KIF27: variants seen among roughly 807,000 people sequenced by gnomAD.
KIF27 encodes the protein kinesin family member 27.
A neutral mutation model predicts 141.8 loss-of-function variants in KIF27; 84 were observed. The ratio of observed to expected loss-of-function variants is 0.59; its 90% confidence interval spans 0.50 to 0.71. The LOEUF is 0.71. KIF27 is among the 30% of genes least tolerant of loss of function. The pLI is 0.00. For synonymous variants in KIF27, 471 were observed against 569.5 expected (o/e 0.83, Z 2.46); for missense variants, 1,306 against 1,628.4 (o/e 0.80, Z 3.41).
At chr9:83,868,421 T>C (rs1950535212) in intron 12 of KIF27, 1 of 152,152 alleles carries the variant, frequency 6.6e-6, no homozygotes. Context: ...ACACAGATGA[T>C]GGAGGATGGA....
At chr9:83,868,575 T>C (rs1286087984) in intron 12 of KIF27, 1 of 152,018 alleles carries the variant, frequency 6.6e-6, no homozygotes, top group Non-Finnish European at 1.5e-5. Flanking sequence ...CGGAAACAAA[T>C]ACAAACATAA....
intron 13 of KIF27, among the ~76,000 whole-genome samples, chr9:83,862,250 C>G (rs796850339): frequency 6.7e-6 from 1 of 150,198 alleles, no homozygotes; most frequent in African/African-American, 2.5e-5. Context: ...AGTCCTTGCC[C>G]ATGCCTATGT....
In KIF27 at chr9:83,880,366, T is replaced by G. The variant is rs538049404; in HGVS notation, c.2574A>C (p.Lys858Asn). 9.3e-6 allele frequency: 15 copies of G among 1,613,770 alleles called. No homozygotes were observed. In the East Asian group the frequency reaches 3.3e-4, roughly 36 times the overall value. ...MKYQKIQLQRKLREENEKRKQ... is the reference protein window; with the variant it reads ...MKYQKIQLQRNLREENEKRKQ... ...TCCTTTTTTCATTTTCTTCTCGTAG[T>G]TTTCTTTGTAGCTGTATCTTTTGAT... The change falls in exon 11 of 18, where the codon AAA (lysine) becomes AAC (asparagine). Residue 858 changes from lysine to asparagine, a missense_variant. Physicochemically the swap from Lys to Asn is moderately conservative, Grantham distance 94 (BLOSUM62 0). This residue lies in a region of KIF27 where 596 missense variants were observed against 751.6 expected (regional missense o/e 0.79). Coordinates refer to ENST00000297814, the MANE Select transcript of KIF27 (RefSeq NM_017576.4).
intron 16 of KIF27, among the ~76,000 whole-genome samples, chr9:83,842,796 C>CTA (rs199568521): frequency 6.6e-6 from 1 of 152,106 alleles, no homozygotes; most frequent in African/African-American, 2.4e-5. Flanking sequence ...AGGCCCTGGA[C>CTA]TATATTTAAA....
chr9:83,840,082 A>C (rs1448651693), intron 17 of KIF27, among the ~76,000 whole-genome samples: 3 of 152,202 alleles, frequency 2.0e-5, no homozygotes, highest in African/African-American at 7.2e-5. Context: ...TATAATTCAA[A>C]CAAACCTTGT....
At position 83,835,775 on chromosome 9, in the gene KIF27, A is replaced by G. The variant is rs768275700; in HGVS notation, c.*1226T>C. ...AGTGGGTGACTCTGAGTAAGCATCC[A>G]TGTCAGGATGGTTTTGCTACAGCCC... On this transcript the variant is annotated 3_prime_UTR_variant, in exon 18 of 18. Coordinates refer to ENST00000297814, the MANE Select transcript of KIF27 (RefSeq NM_017576.4). 3.3e-5 allele frequency: 5 copies of G among 152,234 alleles called. No individual in the cohort carries two copies. Among genetic ancestry groups the G allele is most frequent in the Non-Finnish European group, 7.3e-5 (5 of 68,042 alleles). 9.4% of individuals were successfully genotyped at this position (152,234 alleles called of 1,614,324 possible).
intron 13 of KIF27, among the ~76,000 whole-genome samples, chr9:83,862,076 C>T (rs1588057581): frequency 2.0e-5 from 3 of 151,838 alleles, no homozygotes; most frequent in Non-Finnish European, 3.0e-5. Flanking sequence ...TGGATATTAG[C>T]CCTTTGTCAG....
chr9:83,915,426 T>C lies in KIF27; in HGVS notation c.166A>G (p.Thr56Ala), dbSNP rs1955590750. ...TFDFVFGKNS[T>A]QDEVYNTCIK... is the part of the protein sequence containing the mutation. ...CATGTGTTATAAACTTCATCTTGAGTGGAATTTTTGCCAAAAACAAAATCA... is the reference window on the plus strand; with the variant it reads ...CATGTGTTATAAACTTCATCTTGAGCGGAATTTTTGCCAAAAACAAAATCA... The change falls in exon 2 of 18, where the codon ACT becomes GCT. Residue 56 changes from threonine (T) to alanine (A), a missense_variant. By Grantham distance (58) the Thr-to-Ala change is moderately conservative. Transcript: ENST00000297814. 1 of 1,613,654 alleles carries C rather than the reference T, an allele frequency of 6.2e-7. No homozygotes were observed. The highest frequency in any genetic ancestry group is 1.7e-5 in the Admixed American group (1 of 59,962).
chr9:83,912,882 G>A (rs13295604), intron 2 of KIF27, among the ~76,000 whole-genome samples: 2 of 152,070 alleles, frequency 1.3e-5, no homozygotes, highest in East Asian at 1.9e-4. Flanking sequence ...AAAGCCAGGC[G>A]TGGTGGTTCA....
chr9:83,847,311 T>G (rs1295735033), intron 16 of KIF27, among the ~76,000 whole-genome samples: 1 of 152,240 alleles, frequency 6.6e-6, no homozygotes, highest in Admixed American at 6.5e-5. Flanking sequence ...ACACTTGTAC[T>G]AAGAAAATAT....
intron 16 of KIF27, among the ~76,000 whole-genome samples, chr9:83,848,180 T>G (rs772682121): frequency 0.022 from 737 of 33,088 alleles, 161 homozygotes; most frequent in Middle Eastern, 0.05. Context: ...TGATATATCA[T>G]ATATGATATA....
At chr9:83,918,366 A>C in intron 1 of KIF27, among the ~76,000 whole-genome samples, 1 of 151,234 alleles carries the variant, frequency 6.6e-6, no homozygotes, top group Non-Finnish European at 1.5e-5. Context: ...GAGGGAGGGA[A>C]GGAAAAACGA....
Position 83,835,283 on chromosome 9 carries a change from T to G in KIF27, c.*1718A>C, listed in dbSNP as rs1945702744. Reference sequence around the variant, plus strand: ...TGTATGATTTATATTTATATATAAATGTACATAAATTTATAAAAATGGAAG... The same window carrying G: ...TGTATGATTTATATTTATATATAAAGGTACATAAATTTATAAAAATGGAAG... On this transcript the variant is annotated 3_prime_UTR_variant, in exon 18 of 18. Transcript: ENST00000297814. Among the ~76,000 whole-genome samples the G allele has an allele frequency of 6.6e-6, 1 of 151,516 alleles. No individual in the cohort carries two copies. The highest frequency in any genetic ancestry group is 2.1e-4 in the South Asian group (1 of 4,830).
intron 3 of KIF27, among the ~76,000 whole-genome samples, chr9:83,908,154 C>T (rs544979480): frequency 1.1e-4 from 16 of 150,554 alleles, no homozygotes; most frequent in Admixed American, 2.7e-4. Context: ...ACCAGCTACT[C>T]GGGAGGCTAA....
chr9:83,843,375 G>T (rs1212184750), intron 16 of KIF27, among the ~76,000 whole-genome samples: 1 of 149,290 alleles, frequency 6.7e-6, no homozygotes, highest in African/African-American at 2.5e-5. Context: ...TCTCCATTGG[G>T]TTATGCTCTT....
At chr9:83,845,833 T>C (rs964661148) in intron 16 of KIF27, among the ~76,000 whole-genome samples, 11 of 152,210 alleles carry the variant, frequency 7.2e-5, no homozygotes, top group Non-Finnish European at 1.0e-4. Flanking sequence ...ACAAAGAATT[T>C]TGGGGAAGAG....
intron 1 of KIF27, among the ~76,000 whole-genome samples, chr9:83,920,995 G>T (rs908276225): frequency 2.6e-5 from 4 of 152,164 alleles, no homozygotes; most frequent in Admixed American, 6.5e-5. Context: ...ACCTCACGCC[G>T]TGCAGCGACA....
chr9:83,875,908 G>T (rs1435164975), intron 11 of KIF27, among the ~76,000 whole-genome samples: 1 of 151,998 alleles, frequency 6.6e-6, no homozygotes, highest in African/African-American at 2.4e-5. Context: ...AATAAGTTTG[G>T]TTACAAAGGG....
intron 5 of KIF27, among the ~76,000 whole-genome samples, chr9:83,896,074 AAC>A (rs1336647094): frequency 0.021 from 2,918 of 135,826 alleles, 62 homozygotes; most frequent in African/African-American, 0.078. Flanking sequence ...AAAAAAAAAA[AAC>A]AAAACACACA....
Sources: gnomAD v4.1 joint callset for allele counts (sites outside exome capture counted in the v4.1 genomes callset) on GRCh38, gnomAD v4.1.1 for gene constraint, gnomAD v4.1.1 regional missense constraint, MANE v1.5 for transcripts, NCBI Gene and HGNC (gene_info 2026-07-23, HGNC 2026-07-21) for gene names.